PRKN: variants seen among roughly 807,000 people sequenced by gnomAD.
PRKN encodes E3 ubiquitin-protein ligase parkin.
A neutral mutation model predicts 59.5 loss-of-function variants in PRKN; 56 were observed. The ratio of observed to expected loss-of-function variants is 0.94; its 90% CI spans 0.76 to 1.18. The LOEUF (loss-of-function observed/expected upper bound fraction) is 1.18. Ranked by LOEUF, PRKN falls within the 50% of genes most tolerant of loss-of-function variation. The probability of loss-of-function intolerance (pLI) is 0.00; values close to 1 mark genes in which losing one functional copy is unlikely to be tolerated. For synonymous variants in PRKN, 250 were observed against 222.1 expected, an observed-to-expected ratio of 1.13 and a Z score of -1.12; for missense variants, 657 against 596.4, an observed-to-expected ratio of 1.10 and a Z score of -1.06.
At chr6:161,948,248 A>G (rs2128245204) in intron 6 of PRKN, among the ~76,000 whole-genome samples, 2 of 152,182 alleles carry the variant, frequency 1.3e-5, no homozygotes, top group South Asian at 4.2e-4. Context: ...CAGCCTCCCA[A>G]AGTGCTGGGA....
In PRKN at chr6:162,439,694, TCTTTA is replaced by T. The variant is rs775295262; in HGVS notation, c.171+3611_171+3615del. 1.1e-3 allele frequency among the ~76,000 whole-genome samples: 80 copies of T among 75,162 alleles called. 1 individual carries two copies. Among genetic ancestry groups the T allele is most frequent in the Non-Finnish European group, 1.7e-3 (67 of 39,728 alleles). 49.3% of individuals were successfully genotyped at this position (75,162 alleles called of 152,430 possible). ...GACTAACTCCCCCTCTTCCTCTTCCTCTTTAGCCTACTCAACATGAAGACAAAGAC... is the reference window on the plus strand; with the variant it reads ...GACTAACTCCCCCTCTTCCTCTTCCTGCCTACTCAACATGAAGACAAAGAC... On this transcript the variant is annotated intron_variant, in intron 2 of 11. Transcript: ENST00000366898.
rs1777384116 is a variant in PRKN, at chr6:161,487,838, G to T, written c.1083+61016C>A. 6.6e-6 allele frequency among the ~76,000 whole-genome samples: 1 copy of T among 152,078 alleles called. No individual in the cohort carries two copies. The highest frequency in any genetic ancestry group is 1.5e-5 in the Non-Finnish European group (1 of 68,012). On this transcript the variant is annotated intron_variant, in intron 9 of 11. Transcript: ENST00000366898. This position sits in a 1 kb window ranked among gnomAD's most constrained non-coding sequence, Gnocchi z 5.3. ...TTAATGTTCAGTGAATGAATGAATG[G>T]AATTTCCTGCCCTGCTCCTTGCCTC...
In PRKN at chr6:162,253,182, G is replaced by A. The variant is rs574615325; in HGVS notation, c.412+9343C>T. Among the ~76,000 whole-genome samples the A allele has an allele frequency of 4.6e-5, 7 of 152,260 alleles. No individual in the cohort carries two copies. In the East Asian group the frequency reaches 9.7e-4, roughly 21 times the overall value. ...AGTCCAAGAGAGGAGCATATCTATC[G>A]AAATGGTAATTGAAAGAGAAACTGG... On this transcript the variant is annotated intron_variant, in intron 3 of 11. Coordinates refer to ENST00000366898, the MANE Select transcript of PRKN (RefSeq NM_004562.3).
At chr6:162,047,249 AC>A (rs1236604143) in intron 5 of PRKN, among the ~76,000 whole-genome samples, 3 of 152,040 alleles carry the variant, frequency 2.0e-5, no homozygotes, top group Non-Finnish European at 4.4e-5. Context: ...TTTGTCCTTT[AC>A]CTCTGTTTTC....
At chr6:161,929,557 T>G (rs1363666676) in intron 6 of PRKN, among the ~76,000 whole-genome samples, 1 of 135,350 alleles carries the variant, frequency 7.4e-6, no homozygotes, top group African/African-American at 2.8e-5. Context: ...GGAGTCTTAC[T>G]CTGTTGCCCA....
chr6:161,892,531 A>C (rs1043419215), intron 6 of PRKN, among the ~76,000 whole-genome samples: 1 of 152,128 alleles, frequency 6.6e-6, no homozygotes, highest in African/African-American at 2.4e-5. Context: ...CTGGGTCCCT[A>C]AACATGAGGC....
intron 4 of PRKN, among the ~76,000 whole-genome samples, chr6:162,150,553 C>T (rs1176205183): frequency 6.6e-6 from 1 of 152,156 alleles, no homozygotes; most frequent in Non-Finnish European, 1.5e-5. Flanking sequence ...AAACGCAGCA[C>T]AGTATGGATT....
At chr6:162,249,369 T>C (rs193158270) in intron 3 of PRKN, among the ~76,000 whole-genome samples, 1 of 152,306 alleles carries the variant, frequency 6.6e-6, no homozygotes, top group East Asian at 1.9e-4. Context: ...AGGATACACA[T>C]GGAGAATTAT....
intron 4 of PRKN, among the ~76,000 whole-genome samples, chr6:162,145,126 C>G (rs932807064): frequency 6.6e-6 from 1 of 152,172 alleles, no homozygotes; most frequent in African/African-American, 2.4e-5. Flanking sequence ...GGAAATTGAA[C>G]TCTTCTGATG....
intron 4 of PRKN, among the ~76,000 whole-genome samples, chr6:162,149,401 C>T (rs1782167303): frequency 6.6e-6 from 1 of 152,020 alleles, no homozygotes; most frequent in African/African-American, 2.4e-5. Flanking sequence ...TGCACTACCA[C>T]ACCCAGTTAA....
chr6:162,362,212 C>G (rs946891609), intron 2 of PRKN, among the ~76,000 whole-genome samples: 3 of 152,112 alleles, frequency 2.0e-5, no homozygotes, highest in East Asian at 3.9e-4. Flanking sequence ...TAAATTGACT[C>G]AAGTCTTCAT....
intron 1 of PRKN, among the ~76,000 whole-genome samples, chr6:162,594,191 T>TA (rs1781412873): frequency 6.6e-6 from 1 of 152,096 alleles, no homozygotes; most frequent in African/African-American, 2.4e-5. Flanking sequence ...AGAGTAGTCT[T>TA]AAACCTTTTT....
intron 1 of PRKN, chr6:162,568,471 G>C (rs1780175927): frequency 3.1e-6 from 2 of 640,476 alleles, no homozygotes; most frequent in Non-Finnish European, 5.8e-6. Context: ...GGCTCTGGTG[G>C]GGCCGGCGGC....
At chr6:161,380,054 C>T (rs888765034) in intron 10 of PRKN, among the ~76,000 whole-genome samples, 14 of 152,176 alleles carry the variant, frequency 9.2e-5, no homozygotes, top group African/African-American at 3.4e-4. Flanking sequence ...CCGTCTCCAG[C>T]CTAGTCTGTG....
intron 4 of PRKN, among the ~76,000 whole-genome samples, chr6:162,086,838 C>A (rs550518006): frequency 6.6e-6 from 1 of 152,270 alleles, no homozygotes; most frequent in Non-Finnish European, 1.5e-5. Context: ...GAGAACAGAC[C>A]TTTTTTGTCT....
At chr6:162,608,700 GA>G (rs1203225085) in intron 1 of PRKN, among the ~76,000 whole-genome samples, 1 of 152,180 alleles carries the variant, frequency 6.6e-6, no homozygotes, top group Non-Finnish European at 1.5e-5. Flanking sequence ...ACACTTCCAG[GA>G]AATGGGAAAC....
chr6:161,916,511 T>C (rs1205824278), intron 6 of PRKN, among the ~76,000 whole-genome samples: 2 of 152,216 alleles, frequency 1.3e-5, no homozygotes, highest in East Asian at 3.9e-4. Flanking sequence ...AGTGGAGATG[T>C]GAACAGAATC....
intron 9 of PRKN, among the ~76,000 whole-genome samples, chr6:161,426,504 T>C (rs1196521414): frequency 2.0e-5 from 3 of 152,088 alleles, no homozygotes; most frequent in Non-Finnish European, 4.4e-5. Context: ...CTGTGCTGGA[T>C]GCTTCCGGCC....
At chr6:161,424,925 C>CTGAAAA (rs1481492327) in intron 9 of PRKN, among the ~76,000 whole-genome samples, 1 of 152,128 alleles carries the variant, frequency 6.6e-6, no homozygotes, top group African/African-American at 2.4e-5. Flanking sequence ...TAAATGTGCT[C>CTGAAAA]TGAAAAGTTG....
Sources: allele counts gnomAD v4.1 joint callset (sites outside exome capture counted in the v4.1 genomes callset), GRCh38; gene constraint gnomAD v4.1.1; non-coding constraint Gnocchi (gnomAD v3.1); transcripts MANE v1.5; gene names NCBI Gene and HGNC (gene_info 2026-07-23, HGNC 2026-07-21).